Variants in FARS2 observed in about 807,000 individuals in gnomAD.
FARS2 encodes phenylalanine--tRNA ligase, mitochondrial.
In FARS2, 40 loss-of-function variants were observed where a neutral mutation model predicts 46.4. The ratio of observed to expected loss-of-function variants is 0.86; its 90% CI spans 0.67 to 1.12. The LOEUF (loss-of-function observed/expected upper bound fraction) is 1.12, where lower values mean the gene tolerates loss of function less well. Ranked by LOEUF, FARS2 falls within the 50% of genes most tolerant of loss-of-function variation. The pLI is 0.00. For synonymous variants in FARS2, 234 were observed against 214.9 expected, an observed-to-expected ratio of 1.09 and a Z score of -0.78; for missense variants, 513 against 567.9, an observed-to-expected ratio of 0.90 and a Z score of 0.98.
At chr6:5,591,491 G>A (rs1773915885) in intron 5 of FARS2, among the ~76,000 whole-genome samples, 2 of 152,236 alleles carry the variant, frequency 1.3e-5, no homozygotes, top group South Asian at 4.1e-4. Flanking sequence ...GTTTGCCTCT[G>A]GCCTGAACGC....
At chr6:5,716,158 C>A (rs1239563432) in intron 6 of FARS2, among the ~76,000 whole-genome samples, 5 of 152,066 alleles carry the variant, frequency 3.3e-5, no homozygotes, top group Non-Finnish European at 7.4e-5. Context: ...ATATAGTATA[C>A]CTATAACAGG....
chr6:5,734,033 G>A (rs1760798838), intron 6 of FARS2, among the ~76,000 whole-genome samples: 1 of 152,188 alleles, frequency 6.6e-6, no homozygotes, highest in Admixed American at 6.5e-5. Flanking sequence ...AGTAATCAAG[G>A]GATCCAAGAG....
intron 4 of FARS2, among the ~76,000 whole-genome samples, chr6:5,477,952 C>T (rs1032617410): frequency 2.6e-5 from 4 of 151,964 alleles, no homozygotes; most frequent in African/African-American, 9.7e-5. Flanking sequence ...CCCAGGAGGT[C>T]GAGGCTGCAG....
At chr6:5,509,445 A>G (rs960595111) in intron 4 of FARS2, among the ~76,000 whole-genome samples, 2 of 152,238 alleles carry the variant, frequency 1.3e-5, no homozygotes, top group African/African-American at 4.8e-5. Flanking sequence ...TCTCGTGAGC[A>G]CACTGGGGAA....
chr6:5,598,588 G>A, intron 5 of FARS2, among the ~76,000 whole-genome samples: 1 of 152,174 alleles, frequency 6.6e-6, no homozygotes, highest in East Asian at 1.9e-4. Context: ...GTCACCAAAA[G>A]GGGTACAAAA....
At chr6:5,381,596 T>A (rs1382079941) in intron 2 of FARS2, among the ~76,000 whole-genome samples, 1 of 152,218 alleles carries the variant, frequency 6.6e-6, no homozygotes, top group Non-Finnish European at 1.5e-5. Context: ...TGTTCTGGAT[T>A]CTTTCAGCAA....
intron 4 of FARS2, among the ~76,000 whole-genome samples, chr6:5,449,660 T>A (rs1364375489): frequency 6.6e-6 from 1 of 152,186 alleles, no homozygotes; most frequent in African/African-American, 2.4e-5. Flanking sequence ...TGTTAAATGC[T>A]TGGGACAAGA....
intron 4 of FARS2, among the ~76,000 whole-genome samples, chr6:5,444,764 C>A (rs1486312760): frequency 7.5e-6 from 1 of 133,332 alleles, no homozygotes; most frequent in Non-Finnish European, 1.6e-5. Flanking sequence ...TCTTCAGGCT[C>A]ATGGAAACAG....
intron 5 of FARS2, among the ~76,000 whole-genome samples, chr6:5,580,804 C>A (rs1457812428): frequency 6.6e-6 from 1 of 152,174 alleles, no homozygotes; most frequent in African/African-American, 2.4e-5. Context: ...GCCCTCTTCA[C>A]GTCCACATTG....
At chr6:5,331,868 G>A (rs1006166259) in intron 1 of FARS2, among the ~76,000 whole-genome samples, 3 of 152,126 alleles carry the variant, frequency 2.0e-5, no homozygotes, top group African/African-American at 4.8e-5. Context: ...CCTATTGCCC[G>A]ACATTGCTGA....
intron 4 of FARS2, among the ~76,000 whole-genome samples, chr6:5,469,354 C>A (rs1765686442): frequency 1.3e-5 from 2 of 152,330 alleles, no homozygotes; most frequent in South Asian, 2.1e-4. Flanking sequence ...TGTGCGGAGC[C>A]CCGCCCCACA....
intron 1 of FARS2, among the ~76,000 whole-genome samples, chr6:5,283,370 G>A (rs1286382907): frequency 8.8e-6 from 1 of 113,854 alleles, no homozygotes; most frequent in African/African-American, 3.6e-5. Flanking sequence ...TGAAACTCCT[G>A]TCTCAAAAAA....
chr6:5,768,012 G>A (rs1762839440), intron 6 of FARS2, among the ~76,000 whole-genome samples: 1 of 152,136 alleles, frequency 6.6e-6, no homozygotes, highest in South Asian at 2.1e-4. Context: ...CTTTCCTCGG[G>A]AGACCACTCT....
intron 6 of FARS2, among the ~76,000 whole-genome samples, chr6:5,721,364 G>T (rs536793787): frequency 6.6e-6 from 1 of 152,242 alleles, no homozygotes; most frequent in African/African-American, 2.4e-5. Context: ...GAAAATTGTG[G>T]CTATTCATTC....
At chr6:5,372,815 G>A (rs1242783106) in intron 2 of FARS2, among the ~76,000 whole-genome samples, 1 of 152,036 alleles carries the variant, frequency 6.6e-6, no homozygotes, top group African/African-American at 2.4e-5. Context: ...TTAGCTAAAA[G>A]GGTATTTGTC....
At chr6:5,306,010 G>A (rs1768676247) in intron 1 of FARS2, among the ~76,000 whole-genome samples, 1 of 152,124 alleles carries the variant, frequency 6.6e-6, no homozygotes, top group African/African-American at 2.4e-5. Flanking sequence ...ACATATAATG[G>A]TAGATGTGGT....
chr6:5,559,492 C>T (rs2150532380), intron 5 of FARS2, among the ~76,000 whole-genome samples: 1 of 152,238 alleles, frequency 6.6e-6, no homozygotes, highest in East Asian at 1.9e-4. Flanking sequence ...TCCCAGTCTC[C>T]CCAGAGGTCA....
intron 6 of FARS2, among the ~76,000 whole-genome samples, chr6:5,701,479 G>T (rs1433340535): frequency 1.3e-5 from 2 of 152,180 alleles, no homozygotes; most frequent in Non-Finnish European, 2.9e-5. Context: ...TCTGTGCTGG[G>T]CTATTATTGG....
At chr6:5,620,894 T>G (rs1189792037) in intron 6 of FARS2, among the ~76,000 whole-genome samples, 1 of 152,266 alleles carries the variant, frequency 6.6e-6, no homozygotes, top group African/African-American at 2.4e-5. Context: ...CTCCTATATG[T>G]CAGTAGGTTT....
Sources: allele counts gnomAD v4.1 joint callset (sites outside exome capture counted in the v4.1 genomes callset), GRCh38; gene constraint gnomAD v4.1.1; transcripts MANE v1.5; gene names NCBI Gene and HGNC (gene_info 2026-07-23, HGNC 2026-07-21).